The following CRYL1 variants were observed in gnomAD, a reference collection of about 807,000 sequenced individuals.
CRYL1 encodes the protein lambda-crystallin homolog.
In CRYL1, 29 loss-of-function variants were observed where a neutral mutation model predicts 36.6. The observed-to-expected ratio is 0.79, with a 90% CI of 0.59 to 1.08. The LOEUF is 1.08. Ranked by LOEUF, CRYL1 falls within the 50% of genes least tolerant of loss-of-function variation. CRYL1 has a pLI of 0.00. For missense variants in CRYL1, 411 were observed against 407.9 expected (o/e 1.01, Z -0.06); for synonymous variants, 152 against 151.5 (o/e 1.00, Z -0.02).
At chr13:20,487,532 T>A (rs1203394181) in intron 3 of CRYL1, among the ~76,000 whole-genome samples, 3 of 152,174 alleles carry the variant, frequency 2.0e-5, no homozygotes, top group African/African-American at 7.2e-5. Flanking sequence ...ACAAAAGCAT[T>A]CTGTGAAATG....
At chr13:20,409,154 A>G (rs940584643) in intron 6 of CRYL1, among the ~76,000 whole-genome samples, 5 of 151,950 alleles carry the variant, frequency 3.3e-5, no homozygotes, top group African/African-American at 1.2e-4. Context: ...AAACAGAGAT[A>G]TAGATCAATG....
At chr13:20,473,949 G>T (rs151320116) in intron 3 of CRYL1, among the ~76,000 whole-genome samples, 43 of 152,162 alleles carry the variant, frequency 2.8e-4, no homozygotes, top group African/African-American at 1.0e-3. Context: ...AAGTAACAGG[G>T]TAATTTCATT....
chr13:20,518,953 A>C (rs773891565), intron 1 of CRYL1, among the ~76,000 whole-genome samples: 2 of 152,224 alleles, frequency 1.3e-5, no homozygotes, highest in Non-Finnish European at 2.9e-5. Context: ...AATGGAGCAG[A>C]TGTTAGGAGG....
intron 6 of CRYL1, among the ~76,000 whole-genome samples, chr13:20,411,570 G>C (rs2031525182): frequency 6.6e-6 from 1 of 152,162 alleles, no homozygotes; most frequent in Non-Finnish European, 1.5e-5. Context: ...CATTTCAAAT[G>C]CTTAAGTATA....
At chr13:20,471,706 T>C (rs1007191620) in intron 3 of CRYL1, among the ~76,000 whole-genome samples, 8 of 152,126 alleles carry the variant, frequency 5.3e-5, no homozygotes, top group African/African-American at 1.9e-4. Flanking sequence ...CTATTAATAA[T>C]ACAGTCATCC....
chr13:20,477,685 TA>T (rs1419740689), intron 3 of CRYL1, among the ~76,000 whole-genome samples: 2 of 146,382 alleles, frequency 1.4e-5, no homozygotes, highest in Non-Finnish European at 3.0e-5. Context: ...AAAATATTTT[TA>T]AAAATATATT....
intron 3 of CRYL1, among the ~76,000 whole-genome samples, chr13:20,470,765 T>G (rs1339233766): frequency 6.6e-6 from 1 of 151,696 alleles, no homozygotes; most frequent in Non-Finnish European, 1.5e-5. Flanking sequence ...AAAAAATCAG[T>G]TGAGCACAGT....
At chr13:20,482,745 G>T (rs143322760) in intron 3 of CRYL1, among the ~76,000 whole-genome samples, 2,286 of 152,266 alleles carry the variant, frequency 0.015, 66 homozygotes, top group African/African-American at 0.052. Flanking sequence ...CAGTCTGTGT[G>T]TGTGTGTGTG....
chr13:20,507,499 A>G (rs1197007902), intron 2 of CRYL1, among the ~76,000 whole-genome samples: 3 of 152,176 alleles, frequency 2.0e-5, no homozygotes, highest in African/African-American at 7.2e-5. Flanking sequence ...ACCTAATCAG[A>G]GATTCACGGG....
At chr13:20,421,069 A>C (rs1011602682) in intron 5 of CRYL1, among the ~76,000 whole-genome samples, 2 of 145,690 alleles carry the variant, frequency 1.4e-5, no homozygotes, top group African/African-American at 4.9e-5. Context: ...AACAAACAAA[A>C]AAAAAAATGG....
chr13:20,490,166 G>GCA (rs2033481527), intron 2 of CRYL1, among the ~76,000 whole-genome samples: 2 of 152,156 alleles, frequency 1.3e-5, no homozygotes, highest in African/African-American at 4.8e-5. Context: ...CGAGGTGGGT[G>GCA]GATCACTTGA....
chr13:20,505,381 A>AAATAT (rs1292225610), intron 2 of CRYL1, among the ~76,000 whole-genome samples: 76 of 138,894 alleles, frequency 5.5e-4, no homozygotes, highest in African/African-American at 1.9e-3. Flanking sequence ...AAAAAAAAAA[A>AAATAT]ATCAGAATAT....
chr13:20,404,662 G>C lies in CRYL1; in HGVS notation c.819C>G (p.Ser273=). 6.2e-7 allele frequency: 1 copy of C among 1,613,408 alleles called. No individual in the cohort carries two copies. The highest frequency in any genetic ancestry group is 8.5e-7 in the Non-Finnish European group (1 of 1,179,390). The change falls in exon 7 of 8, where the codon TCC becomes TCG. Residue 273 remains serine, a synonymous_variant. Coordinates refer to ENST00000298248, the MANE Select transcript of CRYL1 (RefSeq NM_015974.3). ...GGTTAACCTTCTCAGCAGTGGCCCT[G>C]GAAAACTCTGGAATGGGTCCAAAAG... ...LQTFGPIPEF[S]RATAEKVNQD...
At chr13:20,510,187 T>C (rs1026213528) in intron 2 of CRYL1, among the ~76,000 whole-genome samples, 1 of 152,228 alleles carries the variant, frequency 6.6e-6, no homozygotes, top group Non-Finnish European at 1.5e-5. Context: ...TGGAAACTTA[T>C]GTCCATACAA....
chr13:20,459,120 C>T (rs1258286537), intron 3 of CRYL1, among the ~76,000 whole-genome samples: 1 of 151,098 alleles, frequency 6.6e-6, no homozygotes, highest in African/African-American at 2.4e-5. Flanking sequence ...CCTGTAGTCC[C>T]GGCTACTCGG....
At chr13:20,447,517 AC>A (rs910909499) in intron 3 of CRYL1, among the ~76,000 whole-genome samples, 4 of 150,612 alleles carry the variant, frequency 2.7e-5, no homozygotes, top group Admixed American at 6.6e-5. Flanking sequence ...CCCTTCCACC[AC>A]CCCCCCTCCC....
intron 6 of CRYL1, among the ~76,000 whole-genome samples, chr13:20,411,765 AC>A (rs2031530654): frequency 6.6e-6 from 1 of 152,116 alleles, no homozygotes; most frequent in Admixed American, 6.5e-5. Flanking sequence ...TTCCCATAAA[AC>A]TAACACACAC....
chr13:20,460,585 G>A (rs1337256857), intron 3 of CRYL1, among the ~76,000 whole-genome samples: 4 of 125,862 alleles, frequency 3.2e-5, no homozygotes, highest in East Asian at 2.6e-4. Flanking sequence ...GAGTGCAGTG[G>A]CGCTATCTCG....
intron 5 of CRYL1, among the ~76,000 whole-genome samples, chr13:20,420,701 T>TTTTTTTTTTTTTTTTTTTTTTGTG: frequency 4.6e-5 from 1 of 21,840 alleles, no homozygotes; most frequent in Non-Finnish European, 1.4e-4. Flanking sequence ...AAAATAGAGG[T>TTTTTTTTTTTTTTTTTTTTTTGTG]TGTGTGTGTG....
Sources: gnomAD v4.1 joint callset for allele counts (sites outside exome capture counted in the v4.1 genomes callset) on GRCh38, gnomAD v4.1.1 for gene constraint, MANE v1.5 for transcripts, NCBI Gene and HGNC (gene_info 2026-07-23, HGNC 2026-07-21) for gene names.